Variants in DSCAM observed in about 807,000 individuals in gnomAD.
DSCAM encodes DS cell adhesion molecule, also known as cell adhesion molecule DSCAM.
A neutral mutation model predicts 217.7 loss-of-function variants in DSCAM; 47 were observed. The observed-to-expected ratio is 0.22, with a 90% CI of 0.17 to 0.28. The LOEUF (loss-of-function observed/expected upper bound fraction) is 0.28, where lower values mean the gene tolerates loss of function less well. Ranked by LOEUF, DSCAM falls within the 10% of genes least tolerant of loss-of-function variation. The pLI, the probability that DSCAM is intolerant of heterozygous loss-of-function variation, is 1.00. For missense variants in DSCAM, 2,080 were observed against 2,618.3 expected (o/e 0.79, Z 4.49); for synonymous variants, 1,056 against 1,015.3 (o/e 1.04, Z -0.76).
chr21:40,174,656 G>A lies in DSCAM; in HGVS notation c.2947+4271C>T, dbSNP rs543961589. 6.6e-5 allele frequency among the ~76,000 whole-genome samples: 10 copies of A among 152,204 alleles called. 1 individual carries two copies. The South Asian group carries it at 1.5e-3, about 22-fold the overall frequency. ...GAGGATGGGAACTATGGCTCACTGA[G>A]GGGGTATGGTCAGCCTCTGGGATGG... On this transcript the variant is annotated intron_variant, in intron 15 of 32. Transcript: ENST00000400454.
At chr21:40,700,546 T>A (rs1327108511) in intron 2 of DSCAM, among the ~76,000 whole-genome samples, 2 of 152,160 alleles carry the variant, frequency 1.3e-5, no homozygotes, top group Non-Finnish European at 2.9e-5. Context: ...TCCTTTTATA[T>A]GTTGTTGGAT....
intron 3 of DSCAM, among the ~76,000 whole-genome samples, chr21:40,574,522 C>A (rs892818332): frequency 2.0e-5 from 3 of 152,168 alleles, no homozygotes; most frequent in Non-Finnish European, 4.4e-5. Flanking sequence ...TGATATCTAA[C>A]ACTGAATTAT....
chr21:40,737,766 C>G (rs979785107), intron 1 of DSCAM, among the ~76,000 whole-genome samples: 2 of 152,210 alleles, frequency 1.3e-5, no homozygotes, highest in African/African-American at 4.8e-5. Flanking sequence ...TCATTCTCTG[C>G]TGGCTTTCCA....
At chr21:40,375,340 G>A (rs1370450528) in intron 3 of DSCAM, among the ~76,000 whole-genome samples, 1 of 152,212 alleles carries the variant, frequency 6.6e-6, no homozygotes, top group African/African-American at 2.4e-5. Context: ...AATCCCACTA[G>A]ACCTAACCAC....
intron 1 of DSCAM, among the ~76,000 whole-genome samples, chr21:40,737,940 C>T (rs1289639508): frequency 6.6e-6 from 1 of 152,184 alleles, no homozygotes; most frequent in Non-Finnish European, 1.5e-5. Context: ...ATGATCCTCC[C>T]ATTCAAGTCT....
Position 40,805,297 on chromosome 21 carries a change from C to G in DSCAM, c.43+41322G>C, listed in dbSNP as rs148636141. On this transcript the variant is annotated intron_variant, in intron 1 of 32. Coordinates refer to ENST00000400454, the MANE Select transcript of DSCAM (RefSeq NM_001389.5). Reference sequence around the variant, plus strand: ...TATGTCTATCTCTCTTTCCCCCTCTCTGTTTTGTGAGGGTTCCTTCTGTTT... The same window carrying G: ...TATGTCTATCTCTCTTTCCCCCTCTGTGTTTTGTGAGGGTTCCTTCTGTTT... Among the ~76,000 whole-genome samples the G allele has an allele frequency of 2.6e-5, 4 of 152,330 alleles. No individual in the cohort carries two copies. In the East Asian group the frequency reaches 7.7e-4, roughly 29 times the overall value.
intron 4 of DSCAM, 144 bp from the exon 5 acceptor site, chr21:40,353,887 A>G (rs1166145256): frequency 3.9e-6 from 3 of 770,634 alleles, no homozygotes; most frequent in Non-Finnish European, 5.6e-6. Context: ...AGTGAACAGA[A>G]AAAGAAGTGC....
chr21:40,547,504 T>C (rs2076593073), intron 3 of DSCAM, among the ~76,000 whole-genome samples: 1 of 152,192 alleles, frequency 6.6e-6, no homozygotes, highest in South Asian at 2.1e-4. Flanking sequence ...AATGCACTGT[T>C]TGCACATTGA....
At chr21:40,298,916 A>G (rs897891726) in intron 9 of DSCAM, among the ~76,000 whole-genome samples, 2 of 152,240 alleles carry the variant, frequency 1.3e-5, no homozygotes, top group African/African-American at 2.4e-5. Context: ...TATATGAGAA[A>G]CAACCATAGA....
chr21:40,721,198 C>CA lies in DSCAM; in HGVS notation c.44-12428dup, dbSNP rs58994593. Among the ~76,000 whole-genome samples the CA allele has an allele frequency of 7.8e-3, 1,182 of 152,078 alleles. 14 individuals carry two copies. The highest frequency in any genetic ancestry group is 0.027 in the African/African-American group (1,136 of 41,502). ...GAGTCTAAGTAATTGAACTGCACAACAAAAAACTTTGATGATAATTAATAG... is the reference window on the plus strand; with the variant it reads ...GAGTCTAAGTAATTGAACTGCACAACAAAAAAACTTTGATGATAATTAATAG... On this transcript the variant is annotated intron_variant, in intron 1 of 32. Coordinates refer to ENST00000400454, the MANE Select transcript of DSCAM (RefSeq NM_001389.5).
intron 19 of DSCAM, among the ~76,000 whole-genome samples, chr21:40,126,773 G>A (rs756593357): frequency 6.6e-6 from 1 of 152,282 alleles, no homozygotes; most frequent in Non-Finnish European, 1.5e-5. Flanking sequence ...ATCTAAACTC[G>A]CAGTTGGCTC....
chr21:40,579,738 C>T (rs994196066), intron 3 of DSCAM, among the ~76,000 whole-genome samples: 1 of 152,174 alleles, frequency 6.6e-6, no homozygotes, highest in African/African-American at 2.4e-5. Flanking sequence ...AGGATTCCAT[C>T]TCCATTTATG....
intron 15 of DSCAM, among the ~76,000 whole-genome samples, chr21:40,171,298 G>A (rs904277046): frequency 1.7e-4 from 26 of 151,864 alleles, no homozygotes; most frequent in African/African-American, 3.9e-4. Context: ...GGCTGGTCTC[G>A]AACTCCTGGC....
intron 28 of DSCAM, among the ~76,000 whole-genome samples, chr21:40,058,171 C>T (rs933697663): frequency 1.3e-5 from 2 of 151,986 alleles, no homozygotes; most frequent in East Asian, 1.9e-4. Flanking sequence ...TGCGCCTGGC[C>T]GGACTCACAG....
intron 11 of DSCAM, among the ~76,000 whole-genome samples, chr21:40,264,194 C>G (rs1024619104): frequency 6.6e-6 from 1 of 152,140 alleles, no homozygotes; most frequent in Admixed American, 6.5e-5. Flanking sequence ...TCCTGCCTAA[C>G]TTATTCTATG....
chr21:40,111,058 C>G (rs1824221573), intron 20 of DSCAM, among the ~76,000 whole-genome samples: 1 of 152,142 alleles, frequency 6.6e-6, no homozygotes, highest in Admixed American at 6.5e-5. Flanking sequence ...TCAGGAAATA[C>G]AGAGAACACC....
intron 3 of DSCAM, among the ~76,000 whole-genome samples, chr21:40,391,977 C>T (rs932609100): frequency 1.2e-4 from 19 of 152,156 alleles, no homozygotes; most frequent in South Asian, 6.2e-4. Flanking sequence ...GCATGGAGTT[C>T]GGGCTGTGGG....
At chr21:40,197,365 A>C (rs932999430) in intron 11 of DSCAM, among the ~76,000 whole-genome samples, 2 of 151,618 alleles carry the variant, frequency 1.3e-5, no homozygotes, top group Non-Finnish European at 2.9e-5. Flanking sequence ...CGATCCACCC[A>C]CCTCGGCCTC....
chr21:40,818,613 C>T (rs1219761658), intron 1 of DSCAM, among the ~76,000 whole-genome samples: 1 of 146,480 alleles, frequency 6.8e-6, no homozygotes, highest in African/African-American at 2.5e-5. Context: ...AGTTATCCCA[C>T]GCTTGAGCAT....
Sources: gnomAD v4.1 joint callset for allele counts (sites outside exome capture counted in the v4.1 genomes callset) on GRCh38, gnomAD v4.1.1 for gene constraint, MANE v1.5 for transcripts, NCBI Gene and HGNC (gene_info 2026-07-23, HGNC 2026-07-21) for gene names.